Variants in CNTN2 observed in about 807,000 individuals in gnomAD.
CNTN2 encodes the protein contactin-2.
A neutral mutation model predicts 117.5 loss-of-function variants in CNTN2; 53 were observed. That is an observed-to-expected ratio of 0.45 (90% CI 0.36 to 0.57). The LOEUF (loss-of-function observed/expected upper bound fraction) is 0.57. Among genes scored for constraint, CNTN2 ranks in the 20% least tolerant of loss-of-function variants. CNTN2 has a pLI of 0.00. For missense variants in CNTN2, 1,106 were observed against 1,404.3 expected (o/e 0.79, Z 3.39); for synonymous variants, 530 against 561.7 (o/e 0.94, Z 0.80).
intron 1 of CNTN2, among the ~76,000 whole-genome samples, chr1:205,044,460 G>GA (rs964020694): frequency 7.7e-6 from 1 of 130,030 alleles, no homozygotes; most frequent in Non-Finnish European, 1.6e-5. Context: ...CTGTGTCCTG[G>GA]GGGGGGGGGT....
intron 16 of CNTN2, chr1:205,067,555 T>C (rs3816401): frequency 0.021 from 5,440 of 261,508 alleles, 84 homozygotes; most frequent in East Asian, 0.039. Context: ...AAGAGTCACA[T>C]TGACAGAGCT....
chr1:205,075,191 A>G lies in CNTN2; in HGVS notation c.*1426A>G. The G allele has an allele frequency of 3.1e-6, 1 of 318,926 alleles. No individual in the cohort carries two copies. 19.8% of individuals were successfully genotyped at this position (318,926 alleles called of 1,614,324 possible). ...AGGAAGGAGGCACTGCTGAATGGCTATGGCCTGGCTAAGAAGGTGATTAGT... is the reference window on the plus strand; with the variant it reads ...AGGAAGGAGGCACTGCTGAATGGCTGTGGCCTGGCTAAGAAGGTGATTAGT... On this transcript the variant is annotated 3_prime_UTR_variant, in exon 23 of 23. Coordinates refer to ENST00000331830, the MANE Select transcript of CNTN2 (RefSeq NM_005076.5).
chr1:205,061,678 C>G lies in CNTN2; in HGVS notation c.974-187C>G, dbSNP rs1653990095. 4.6e-6 allele frequency: 4 copies of G among 868,028 alleles called. No individual in the cohort carries two copies. The highest frequency in any genetic ancestry group is 7.0e-6 in the Non-Finnish European group (4 of 574,166). The allele number at this position is 868,028 out of a possible 1,614,324, so 53.8% of individuals were successfully genotyped here. Reference sequence around the variant, plus strand: ...GTTGCAAAAGCAGCCACTGGCACAGCCACAGAGTGCCAGCTTTCTTGTGCC... The same window carrying G: ...GTTGCAAAAGCAGCCACTGGCACAGGCACAGAGTGCCAGCTTTCTTGTGCC... On this transcript the variant is annotated intron_variant, in intron 8 of 22. Coordinates refer to ENST00000331830, the MANE Select transcript of CNTN2 (RefSeq NM_005076.5). The surrounding 1 kb of genome is among the most constrained non-coding windows in gnomAD (Gnocchi z 4.8).
Position 205,059,140 on chromosome 1 carries a change from C to A in CNTN2, c.544C>A (p.Arg182Ser). The change falls in exon 6 of 23, where the codon CGT becomes AGT. Residue 182 changes from arginine to serine, a missense_variant. Transcript: ENST00000331830. This position sits in a 1 kb window ranked among gnomAD's most constrained non-coding sequence, Gnocchi z 5.6. ...EFPNFIPTDG[R>S]HFVSQTTGNL... ...CCCCAACTTCATCCCGACGGACGGG[C>A]GTCACTTCGTGTCCCAGACCACAGG... 6.2e-7 allele frequency: 1 copy of A among 1,614,214 alleles called. No individual in the cohort carries two copies. Among genetic ancestry groups the A allele is most frequent in the Non-Finnish European group, 8.5e-7 (1 of 1,180,042 alleles).
Position 205,073,825 on chromosome 1 carries a change from C to G in CNTN2, c.*60C>G. 2 of 1,416,842 alleles carry G rather than the reference C, an allele frequency of 1.4e-6. No individual in the cohort carries two copies. The highest frequency in any genetic ancestry group is 2.4e-5 in the East Asian group (1 of 42,518). 87.8% of individuals were successfully genotyped at this position (1,416,842 alleles called of 1,614,324 possible). Reference sequence around the variant, plus strand: ...GCCACCTCCGACGGACACAGCCAGCCCCTTCCTGCTGCCAAGGTGGCCTGA... The same window carrying G: ...GCCACCTCCGACGGACACAGCCAGCGCCTTCCTGCTGCCAAGGTGGCCTGA... On this transcript the variant is annotated 3_prime_UTR_variant, in exon 23 of 23. Transcript: ENST00000331830. This position sits in a 1 kb window ranked among gnomAD's most constrained non-coding sequence, Gnocchi z 6.3.
chr1:205,070,153 A>C, intron 18 of CNTN2, 92 bp downstream of exon 18: 27 of 1,290,504 alleles, frequency 2.1e-5, no homozygotes, highest in Non-Finnish European at 2.8e-5. Context: ...CTCCCAGCTC[A>C]GTTCCATAGG....
intron 9 of CNTN2, chr1:205,062,238 C>G (rs532157416): frequency 1.2e-6 from 1 of 838,400 alleles, no homozygotes; most frequent in African/African-American, 1.7e-5. Context: ...CTGACTGGGT[C>G]ACCTCACCCT....
chr1:205,072,104 C>A lies in CNTN2; in HGVS notation c.2702C>A (p.Pro901His). 3 of 1,612,780 alleles carry A rather than the reference C, an allele frequency of 1.9e-6. No individual in the cohort carries two copies. Among genetic ancestry groups the A allele is most frequent in the Non-Finnish European group, 2.5e-6 (3 of 1,179,702 alleles). Reference sequence around the variant, plus strand: ...CGGGCTGGCACTGGGCCTGCCAGCCCTTCTGCCAACGCCACGACCATGAAG... The same window carrying A: ...CGGGCTGGCACTGGGCCTGCCAGCCATTCTGCCAACGCCACGACCATGAAG... ...YNRAGTGPAS[P>H]SANATTMKPP... is the part of the protein sequence containing the mutation. Residue 901 changes from proline (P) to histidine (H), a missense_variant, in exon 20 of 23, where the codon CCT becomes CAT. Transcript: ENST00000331830.
At chr1:205,067,308 T>A in intron 16 of CNTN2, 58 bp downstream of exon 16, 1 of 1,557,356 alleles carries the variant, frequency 6.4e-7, no homozygotes, top group Non-Finnish European at 8.7e-7. Flanking sequence ...TGGCACCACT[T>A]ATAGGGAATG....
intron 2 of CNTN2, 138 bp from the exon 3 acceptor site, chr1:205,057,783 A>T: frequency 1.1e-6 from 1 of 938,868 alleles, no homozygotes; most frequent in Non-Finnish European, 1.6e-6. Context: ...CTACGTGGCT[A>T]GTGGTTACCA....
Position 205,061,394 on chromosome 1 carries a change from CCGTGCAGGGCCGCATCAT to C in CNTN2, c.957_973+1del. On this transcript the variant is annotated inframe_deletion, in exon 8 of 23. Coordinates refer to ENST00000331830, the MANE Select transcript of CNTN2 (RefSeq NM_005076.5). The surrounding 1 kb of genome is among the most constrained non-coding windows in gnomAD (Gnocchi z 4.8). ...GCGGAGAACTCCAAGGGCCGAGACA[CCGTGCAGGGCCGCATCAT>C]CGTGCAGGGTACAGAGCCAGGGACA... The C allele has an allele frequency of 1.9e-6, 3 of 1,612,660 alleles. No homozygotes were observed. The highest frequency in any genetic ancestry group is 2.5e-6 in the Non-Finnish European group (3 of 1,179,394).
chr1:205,044,614 G>C (rs2096438160), intron 1 of CNTN2, among the ~76,000 whole-genome samples: 1 of 152,136 alleles, frequency 6.6e-6, no homozygotes, highest in Non-Finnish European at 1.5e-5. Flanking sequence ...TGATGTTCTG[G>C]TCTCGTCTGG....
rs1323166749 is a variant in CNTN2, at chr1:205,073,501, G to A, written c.3014-155G>A. 4.0e-6 allele frequency: 3 copies of A among 749,840 alleles called. No homozygotes were observed. Among genetic ancestry groups the A allele is most frequent in the Non-Finnish European group, 6.6e-6 (3 of 456,544 alleles). The allele number at this position is 749,840 out of a possible 1,614,324, so 46.4% of individuals were successfully genotyped here. On this transcript the variant is annotated intron_variant, in intron 22 of 22. Transcript: ENST00000331830. This position sits in a 1 kb window ranked among gnomAD's most constrained non-coding sequence, Gnocchi z 6.3. ...CCAGCAATAGCAAACGGCCTACAAA[G>A]CACCGTAGGAGTCGGACTGAGAAGA...
rs566959580 is a variant in CNTN2, at chr1:205,073,187, G to A, written c.2964G>A (p.Gly988=). ...GHALVQIRTT[G]PGGDGIPAEV... ...CCCTGGTACAAATTCGGACCACAGG[G>A]CCCGGAGGGGATGGGATCCCTGCAG... The change falls in exon 22 of 23, where the codon GGG becomes GGA. Residue 988 remains glycine (G), a synonymous_variant. Transcript: ENST00000331830. The surrounding 1 kb of genome is among the most constrained non-coding windows in gnomAD (Gnocchi z 6.3). 7.7e-4 allele frequency: 1,248 copies of A among 1,614,116 alleles called. 22 individuals carry two copies. In the South Asian group the frequency reaches 0.013, roughly 17 times the overall value.
chr1:205,074,208 C>CCAT lies in CNTN2; in HGVS notation c.*445_*447dup, dbSNP rs1654749191. 8 of 430,044 alleles carry CCAT rather than the reference C, an allele frequency of 1.9e-5. No individual in the cohort carries two copies. In the East Asian group the frequency reaches 2.6e-4, roughly 14 times the overall value. The allele number at this position is 430,044 out of a possible 1,614,324, so 26.6% of individuals were successfully genotyped here. On this transcript the variant is annotated 3_prime_UTR_variant, in exon 23 of 23. Transcript: ENST00000331830. ...GAACTGGAGCGAAGTGCACACCTCA[C>CCAT]CATCCTTCAGTCTAAGGAAGAAGGG...
In CNTN2 at chr1:205,044,458, T is replaced by TGGGGC. The variant is rs1553341457; in HGVS notation, c.-87+1068_-87+1069insCGGGG. Among the ~76,000 whole-genome samples, 15 of 100,870 alleles carry TGGGGC rather than the reference T, an allele frequency of 1.5e-4. 1 individual carries two copies. The highest frequency in any genetic ancestry group is 5.5e-4 in the African/African-American group (14 of 25,454). 66.2% of individuals were successfully genotyped at this position (100,870 alleles called of 152,430 possible). On this transcript the variant is annotated intron_variant, in intron 1 of 22. Coordinates refer to ENST00000331830, the MANE Select transcript of CNTN2 (RefSeq NM_005076.5). The stretch of plus-strand genomic sequence containing the variant: ...ACCCCTGGGGGTTGAGCCTGTGTCC[T>TGGGGC]GGGGGGGGGGGTCCAGTGAGGCCAG...
intron 19 of CNTN2, 62 bp from the exon 20 acceptor site, chr1:205,071,885 C>T (rs533495300): frequency 1.3e-6 from 2 of 1,481,512 alleles, no homozygotes; most frequent in African/African-American, 2.8e-5. Flanking sequence ...AATGTGGGGG[C>T]CGGGGCAGCC....
chr1:205,047,177 CT>C (rs1396405006), intron 1 of CNTN2, among the ~76,000 whole-genome samples: 1 of 152,186 alleles, frequency 6.6e-6, no homozygotes, highest in Non-Finnish European at 1.5e-5. Context: ...CACGACACCC[CT>C]GGTCCCCATT....
intron 1 of CNTN2, among the ~76,000 whole-genome samples, chr1:205,045,690 A>G (rs2096440417): frequency 6.6e-6 from 1 of 152,188 alleles, no homozygotes; most frequent in African/African-American, 2.4e-5. Context: ...GGGTTGGAGA[A>G]GAGGTGATTG....
Sources: gnomAD v4.1 joint callset for allele counts (sites outside exome capture counted in the v4.1 genomes callset) on GRCh38, gnomAD v4.1.1 for gene constraint, Gnocchi (gnomAD v3.1) non-coding constraint, MANE v1.5 for transcripts, NCBI Gene and HGNC (gene_info 2026-07-23, HGNC 2026-07-21) for gene names.